TESMIN: variants seen among roughly 807,000 people sequenced by gnomAD.
The protein encoded by TESMIN is CXC domain containing 2.
Under a neutral mutation model 47.4 loss-of-function variants are expected in TESMIN, and 34 were observed. The ratio of observed to expected loss-of-function variants is 0.72; its 90% CI spans 0.55 to 0.96. The LOEUF (loss-of-function observed/expected upper bound fraction) is 0.96. Among genes scored for constraint, TESMIN ranks in the 40% least tolerant of loss-of-function variants. TESMIN has a pLI of 0.00. For missense variants in TESMIN, 610 were observed against 637.2 expected (o/e 0.96, Z 0.46); for synonymous variants, 278 against 258.9 (o/e 1.07, Z -0.71).
At chr11:68,724,647 A>C (rs908855898) in intron 6 of TESMIN, among the ~76,000 whole-genome samples, 3 of 152,176 alleles carry the variant, frequency 2.0e-5, no homozygotes, top group African/African-American at 7.2e-5. Context: ...TCTCTTCCCC[A>C]GTGTCTGGAA....
intron 6 of TESMIN, chr11:68,738,347 T>C: frequency 9.8e-7 from 1 of 1,018,978 alleles, no homozygotes; most frequent in Non-Finnish European, 1.2e-6. Context: ...CACCATTATT[T>C]CCACGGACGA....
rs1451708292 is a variant in TESMIN at position 68,736,648 on chromosome 11, G to A, written c.917+2052C>T. 8 of 983,884 alleles carry A rather than the reference G, an allele frequency of 8.1e-6. No individual in the cohort carries two copies. In the African/African-American group the frequency reaches 1.0e-4, roughly 13 times the overall value. 60.9% of individuals were successfully genotyped at this position (983,884 alleles called of 1,614,324 possible). On this transcript the variant is annotated intron_variant, in intron 6 of 9. Coordinates refer to ENST00000255087, the MANE Select transcript of TESMIN (RefSeq NM_004923.3). Reference sequence around the variant, plus strand: ...TAAAAAATACAAATACACATCTCATGTTTTTCCTGGCACACCGTTTACAAT... The same window carrying A: ...TAAAAAATACAAATACACATCTCATATTTTTCCTGGCACACCGTTTACAAT...
intron 6 of TESMIN, among the ~76,000 whole-genome samples, chr11:68,723,402 C>A (rs1383813344): frequency 6.7e-6 from 1 of 148,858 alleles, no homozygotes; most frequent in Non-Finnish European, 1.5e-5. Flanking sequence ...TGCATATCAA[C>A]TCTTGTAGGA....
At chr11:68,728,388 G>A (rs952951366) in intron 6 of TESMIN, among the ~76,000 whole-genome samples, 1 of 152,208 alleles carries the variant, frequency 6.6e-6, no homozygotes. Context: ...AGAGAGGTGA[G>A]GAAGCTGTAC....
chr11:68,747,797 G>A (rs912840063), intron 2 of TESMIN, among the ~76,000 whole-genome samples: 3 of 152,158 alleles, frequency 2.0e-5, no homozygotes, highest in Non-Finnish European at 4.4e-5. Context: ...GTGGAGAGTA[G>A]GGAGTGGCTG....
chr11:68,743,451 G>C (rs1224386029), intron 4 of TESMIN, among the ~76,000 whole-genome samples: 3 of 151,692 alleles, frequency 2.0e-5, no homozygotes, highest in Non-Finnish European at 4.4e-5. Flanking sequence ...GTTTCGCCAT[G>C]GTACCCAGGC....
intron 9 of TESMIN, among the ~76,000 whole-genome samples, chr11:68,709,484 C>G (rs1050403928): frequency 2.0e-5 from 3 of 152,232 alleles, no homozygotes; most frequent in African/African-American, 7.2e-5. Flanking sequence ...TTCTGGAAGA[C>G]AAGTTGAACC....
intron 6 of TESMIN, among the ~76,000 whole-genome samples, chr11:68,719,103 C>T (rs895016297): frequency 4.6e-5 from 7 of 152,278 alleles, no homozygotes; most frequent in Middle Eastern, 3.4e-3. Context: ...GGGTCCAAGA[C>T]GAGAGCTGCA....
intron 6 of TESMIN, among the ~76,000 whole-genome samples, chr11:68,716,546 G>A (rs7110468): frequency 0.7 from 106,187 of 152,122 alleles, 37,717 homozygotes; most frequent in East Asian, 0.86. Context: ...AGTCTAGTGA[G>A]GCCCTTGGAG....
intron 9 of TESMIN, 42 bp from the exon 10 acceptor site, chr11:68,708,542 C>G: frequency 6.6e-7 from 1 of 1,512,724 alleles, no homozygotes; most frequent in South Asian, 1.3e-5. Flanking sequence ...AACAGTGCAC[C>G]ATTTCTACCT....
At chr11:68,746,549 G>A (rs74918018) in intron 3 of TESMIN, among the ~76,000 whole-genome samples, 10,144 of 152,206 alleles carry the variant, frequency 0.067, 383 homozygotes, top group Middle Eastern at 0.14. Context: ...GGCAATGATC[G>A]GTTCTTGGAC....
Position 68,707,996 on chromosome 11 carries a change from C to T in TESMIN, c.*312G>A, listed in dbSNP as rs1946016248. ...CTGCCCTCCCCTGCCCCGCTCTGCC[C>T]TTCGCAGGGCCTGCTGTGCCCTCCC... On this transcript the variant is annotated 3_prime_UTR_variant, in exon 10 of 10. Transcript: ENST00000255087. 2.3e-6 allele frequency: 1 copy of T among 444,362 alleles called. No homozygotes were observed. Among genetic ancestry groups the T allele is most frequent in the African/African-American group, 2.0e-5 (1 of 50,180 alleles). 27.5% of individuals were successfully genotyped at this position (444,362 alleles called of 1,614,324 possible).
intron 3 of TESMIN, 121 bp from the exon 4 acceptor site, chr11:68,745,232 T>C (rs750393592): frequency 6.8e-5 from 60 of 884,110 alleles, no homozygotes; most frequent in Non-Finnish European, 8.5e-5. Flanking sequence ...TAATGGAAGA[T>C]AGAAAACTAT....
At chr11:68,728,583 T>C (rs768918944) in intron 6 of TESMIN, among the ~76,000 whole-genome samples, 1 of 152,234 alleles carries the variant, frequency 6.6e-6, no homozygotes, top group African/African-American at 2.4e-5. Context: ...TCAGTGTAGA[T>C]GAAGCAGCCT....
Position 68,715,921 on chromosome 11 carries a change from G to C in TESMIN, c.936C>G (p.Ala312=), listed in dbSNP as rs200200346. The change falls in exon 7 of 10, where the codon GCC becomes GCG. Residue 312 remains alanine, a synonymous_variant. Transcript: ENST00000255087. ...ITLAGYCDCF[A]SGDFCNNCNC... ...TGCAGTTGTTGCAAAAGTCCCCACT[G>C]GCAAAGCAGTCACAGTACCTGTGAA... The C allele has an allele frequency of 3.7e-6, 6 of 1,611,724 alleles. No individual in the cohort carries two copies. Among genetic ancestry groups the C allele is most frequent in the Non-Finnish European group, 5.1e-6 (6 of 1,177,920 alleles).
At chr11:68,741,996 C>T (rs7121127) in intron 5 of TESMIN, among the ~76,000 whole-genome samples, 3,940 of 152,314 alleles carry the variant, frequency 0.026, 158 homozygotes, top group African/African-American at 0.088. Context: ...GGGTGAGGAG[C>T]GTTCTGGACC....
chr11:68,725,301 G>GA (rs1946248991), intron 6 of TESMIN, among the ~76,000 whole-genome samples: 1 of 152,188 alleles, frequency 6.6e-6, no homozygotes. Flanking sequence ...TGCCAATCAC[G>GA]AAAATCAATT....
intron 6 of TESMIN, among the ~76,000 whole-genome samples, chr11:68,729,754 G>T (rs1372026527): frequency 2.0e-5 from 3 of 152,224 alleles, no homozygotes; most frequent in Non-Finnish European, 4.4e-5. Context: ...ATCTGCTCCT[G>T]GTGAAGATGC....
At chr11:68,735,192 GCCACCTGGCCTGT>G (rs770456900) in intron 6 of TESMIN, among the ~76,000 whole-genome samples, 38 of 152,168 alleles carry the variant, frequency 2.5e-4, no homozygotes, top group Non-Finnish European at 8.8e-5. Context: ...TAGCTATCCT[GCCACCTGGCCTGT>G]CCACCTGTGG....
Sources: allele counts gnomAD v4.1 joint callset (sites outside exome capture counted in the v4.1 genomes callset), GRCh38; gene constraint gnomAD v4.1.1; transcripts MANE v1.5; gene names NCBI Gene and HGNC (gene_info 2026-07-23, HGNC 2026-07-21).